The following CLVS1 variants were observed in gnomAD, a reference collection of about 807,000 sequenced individuals.
CLVS1 encodes clavesin 1, also known as clavesin-1.
CLVS1 carries 10 observed loss-of-function variants against 33.1 expected under a neutral mutation model. The observed-to-expected ratio is 0.30, with a 90% CI of 0.19 to 0.51. CLVS1 has a LOEUF of 0.51. Among genes scored for constraint, CLVS1 ranks in the 20% least tolerant of loss-of-function variants. The pLI is 0.97. For missense variants in CLVS1, 343 were observed against 433.4 expected (o/e 0.79, Z 1.85); for synonymous variants, 163 against 166.1 (o/e 0.98, Z 0.14).
chr8:61,193,218 T>C (rs965425257), intron 2 of CLVS1, among the ~76,000 whole-genome samples: 4 of 152,092 alleles, frequency 2.6e-5, no homozygotes, highest in Non-Finnish European at 4.4e-5. Context: ...ATGTCCTTTG[T>C]AGGGACATGG....
intron 2 of CLVS1, among the ~76,000 whole-genome samples, chr8:61,275,254 A>G (rs955352603): frequency 2.6e-5 from 4 of 152,052 alleles, no homozygotes; most frequent in Non-Finnish European, 4.4e-5. Flanking sequence ...ATGCCCCACC[A>G]TTACTGCTGC....
intron 2 of CLVS1, among the ~76,000 whole-genome samples, chr8:61,222,396 A>G (rs1210437662): frequency 6.6e-6 from 1 of 151,948 alleles, no homozygotes; most frequent in Non-Finnish European, 1.5e-5. Context: ...TTTTCTCATG[A>G]ATTTCAAAGA....
chr8:61,227,080 G>A (rs757554564), intron 2 of CLVS1, among the ~76,000 whole-genome samples: 2 of 149,402 alleles, frequency 1.3e-5, no homozygotes, highest in Non-Finnish European at 2.9e-5. Context: ...AATAAGATCC[G>A]AGTAGTTGGA....
rs1804865214 is a variant in CLVS1 at position 61,501,244 on chromosome 8, A to ATTTT, written c.*1703_*1706dup. 6.6e-6 allele frequency: 1 copy of ATTTT among 152,172 alleles called. No individual in the cohort carries two copies. The highest frequency in any genetic ancestry group is 2.4e-5 in the African/African-American group (1 of 41,454). The allele number at this position is 152,172 out of a possible 1,614,324, so 9.4% of individuals were successfully genotyped here. On this transcript the variant is annotated 3_prime_UTR_variant, in exon 6 of 6. Coordinates refer to ENST00000325897, the MANE Select transcript of CLVS1 (RefSeq NM_173519.3). The stretch of plus-strand genomic sequence containing the variant: ...AGAATTGAAGTGAATTAGAAAATCC[A>ATTTT]TTTTATTGCTTGGGTTTAAAATAGT...
At chr8:61,257,958 ATGG>A (rs1234289978) in intron 2 of CLVS1, among the ~76,000 whole-genome samples, 1 of 152,012 alleles carries the variant, frequency 6.6e-6, no homozygotes, top group Non-Finnish European at 1.5e-5. Flanking sequence ...GGTGATGATG[ATGG>A]TGGTGGTGGT....
At chr8:61,135,638 A>G (rs1305942282) in intron 2 of CLVS1, among the ~76,000 whole-genome samples, 3 of 152,190 alleles carry the variant, frequency 2.0e-5, no homozygotes, top group Admixed American at 6.5e-5. Context: ...CCAAGACTGG[A>G]CACCTCACTT....
chr8:61,284,864 T>C (rs1809744295), upstream of CLVS1, among the ~76,000 whole-genome samples: 1 of 152,230 alleles, frequency 6.6e-6, no homozygotes, highest in African/African-American at 2.4e-5. Flanking sequence ...AAAGAAGAGA[T>C]CAGGTAAATG....
chr8:61,037,258 T>C, the CLVS1 span, among the ~76,000 whole-genome samples: 1 of 152,162 alleles, frequency 6.6e-6, no homozygotes, highest in South Asian at 2.1e-4. Context: ...GTACTGAATC[T>C]CTGTACCCAT....
At chr8:61,439,977 A>G (rs1816480683) in intron 3 of CLVS1, among the ~76,000 whole-genome samples, 1 of 152,262 alleles carries the variant, frequency 6.6e-6, no homozygotes, top group African/African-American at 2.4e-5. Flanking sequence ...TCTGCAGGAC[A>G]TTCAGCCTTC....
At chr8:61,466,570 C>T (rs562440468) in intron 5 of CLVS1, among the ~76,000 whole-genome samples, 5 of 152,116 alleles carry the variant, frequency 3.3e-5, no homozygotes, top group Non-Finnish European at 7.4e-5. Context: ...ATTGTTAGGC[C>T]ATATAAAGCA....
intron 1 of CLVS1, among the ~76,000 whole-genome samples, chr8:61,105,882 G>A (rs1230216231): frequency 1.3e-5 from 2 of 151,922 alleles, no homozygotes; most frequent in African/African-American, 4.8e-5. Flanking sequence ...AATTGGACCC[G>A]TTGAACACAA....
intron 2 of CLVS1, among the ~76,000 whole-genome samples, chr8:61,151,985 T>C (rs1017978265): frequency 6.6e-6 from 1 of 152,148 alleles, no homozygotes; most frequent in African/African-American, 2.4e-5. Flanking sequence ...GGGCATGCCA[T>C]GGAGGAGGAT....
At chr8:61,238,631 C>G (rs1241009784) in intron 2 of CLVS1, among the ~76,000 whole-genome samples, 1 of 152,208 alleles carries the variant, frequency 6.6e-6, no homozygotes, top group Non-Finnish European at 1.5e-5. Flanking sequence ...CAAGCTCTTT[C>G]TGCTTCCAAC....
intron 1 of CLVS1, among the ~76,000 whole-genome samples, chr8:61,079,306 G>C (rs1804980364): frequency 1.3e-5 from 2 of 152,300 alleles, no homozygotes; most frequent in South Asian, 2.1e-4. Flanking sequence ...ATGATATTAA[G>C]GGAGGCCCGT....
At chr8:61,288,788 C>T (rs7825528) in intron 1 of CLVS1, among the ~76,000 whole-genome samples, 6,473 of 152,152 alleles carry the variant, frequency 0.043, 428 homozygotes, top group African/African-American at 0.14. Flanking sequence ...TGGGGGTGAC[C>T]GATGACTCAT....
chr8:61,167,521 T>C (rs1806900840), intron 2 of CLVS1, among the ~76,000 whole-genome samples: 1 of 152,148 alleles, frequency 6.6e-6, no homozygotes, highest in Non-Finnish European at 1.5e-5. Context: ...TTCAAGCCTC[T>C]ACCTTCTCTA....
chr8:61,218,636 T>TAA (rs113600902), intron 2 of CLVS1, among the ~76,000 whole-genome samples: 27,542 of 145,036 alleles, frequency 0.19, 2,780 homozygotes, highest in Admixed American at 0.26. Context: ...TATATGTCAA[T>TAA]AAAAAAAAAA....
intron 1 of CLVS1, among the ~76,000 whole-genome samples, chr8:61,289,071 C>G (rs1009880823): frequency 1.3e-5 from 2 of 152,156 alleles, no homozygotes; most frequent in African/African-American, 4.8e-5. Flanking sequence ...GAAGATAGAT[C>G]CCTTGCCCAA....
At chr8:61,440,658 C>A (rs1816505177) in intron 3 of CLVS1, among the ~76,000 whole-genome samples, 1 of 152,158 alleles carries the variant, frequency 6.6e-6, no homozygotes, top group Non-Finnish European at 1.5e-5. Context: ...TTTGCAGATG[C>A]CAGTTTTGCT....
Sources: gnomAD v4.1 joint callset for allele counts (sites outside exome capture counted in the v4.1 genomes callset) on GRCh38, gnomAD v4.1.1 for gene constraint, MANE v1.5 for transcripts, NCBI Gene and HGNC (gene_info 2026-07-23, HGNC 2026-07-21) for gene names.